MYO3A: variants seen among roughly 807,000 people sequenced by gnomAD.
MYO3A encodes myosin-IIIa.
MYO3A carries 180 observed loss-of-function variants against 192.7 expected under a neutral mutation model. The ratio of observed to expected loss-of-function variants is 0.93; its 90% CI spans 0.83 to 1.06. MYO3A has a LOEUF of 1.06. MYO3A is among the 50% of genes least tolerant of loss of function. The probability of loss-of-function intolerance (pLI) is 0.00; values close to 1 mark genes in which losing one functional copy is unlikely to be tolerated. For missense variants in MYO3A, 1,896 were observed against 1,905.0 expected (o/e 1.00, Z 0.09); for synonymous variants, 628 against 645.3 (o/e 0.97, Z 0.41).
chr10:25,964,995 A>C (rs1389525396), intron 4 of MYO3A, among the ~76,000 whole-genome samples: 1 of 151,988 alleles, frequency 6.6e-6, no homozygotes, highest in Non-Finnish European at 1.5e-5. Context: ...ATTGTATGCT[A>C]TTTATTTCTT....
At chr10:26,148,288 G>A (rs1290195242) in intron 23 of MYO3A, among the ~76,000 whole-genome samples, 1 of 151,992 alleles carries the variant, frequency 6.6e-6, no homozygotes, top group Non-Finnish European at 1.5e-5. Flanking sequence ...GAATTGCTTT[G>A]ACACTCCTTG....
chr10:26,153,945 T>C lies in MYO3A; in HGVS notation c.2715+16T>C. 1 of 1,540,510 alleles carries C rather than the reference T, an allele frequency of 6.5e-7. No individual in the cohort carries two copies. The highest frequency in any genetic ancestry group is 9.0e-7 in the Non-Finnish European group (1 of 1,113,780). ...CCTGGCAAAGGTAAGAAAATGCTTT[T>C]TTTCTTGGCAGTGAGTCTAAGAATC... On this transcript the variant is annotated intron_variant, in intron 24 of 34. Transcript: ENST00000642920.
intron 14 of MYO3A, among the ~76,000 whole-genome samples, chr10:26,075,984 A>C (rs1325436254): frequency 1.3e-5 from 2 of 151,842 alleles, no homozygotes; most frequent in African/African-American, 2.4e-5. Flanking sequence ...TTTATGAATA[A>C]TGACTTATTT....
intron 26 of MYO3A, among the ~76,000 whole-genome samples, chr10:26,161,060 G>A (rs1443937709): frequency 6.6e-6 from 1 of 152,202 alleles, no homozygotes; most frequent in African/African-American, 2.4e-5. Context: ...AAGAGAAGGG[G>A]ATAAAACTAA....
chr10:26,111,341 G>A (rs1157248943), intron 17 of MYO3A, among the ~76,000 whole-genome samples: 1 of 152,140 alleles, frequency 6.6e-6, no homozygotes, highest in Non-Finnish European at 1.5e-5. Flanking sequence ...ATGCCACCCT[G>A]TTCTAAATAT....
Position 26,096,384 on chromosome 10 carries a change from A to C in MYO3A, c.1566A>C (p.Gly522=), listed in dbSNP as rs139121564. The C allele has an allele frequency of 2.0e-4, 315 of 1,604,738 alleles. No homozygotes were observed. In the African/African-American group the frequency reaches 3.8e-3, roughly 20 times the overall value. Reference sequence around the variant, plus strand: ...CTGTAAATATCTTTTTTTCCAGTGGAGAAAAAAATTTTCATATTTTTTACT... The same window carrying C: ...CTGTAAATATCTTTTTTTCCAGTGGCGAAAAAAATTTTCATATTTTTTACT... ...EKSRVIHQAI[G]EKNFHIFYYI... is the part of the protein sequence containing the mutation. The change falls in exon 16 of 35, where the codon GGA becomes GGC. Residue 522 remains glycine (G), a synonymous_variant. Coordinates refer to ENST00000642920, the MANE Select transcript of MYO3A (RefSeq NM_017433.5).
chr10:25,955,324 TA>T (rs1837474417), intron 4 of MYO3A, among the ~76,000 whole-genome samples: 2 of 152,292 alleles, frequency 1.3e-5, no homozygotes, highest in African/African-American at 4.8e-5. Context: ...TTTGTTTCAT[TA>T]ACATGTGATA....
intron 17 of MYO3A, among the ~76,000 whole-genome samples, chr10:26,115,203 T>C (rs1838427304): frequency 6.6e-6 from 1 of 152,174 alleles, no homozygotes; most frequent in South Asian, 2.1e-4. Flanking sequence ...GCTAGAAAAG[T>C]CACTCTGACA....
At chr10:26,139,659 A>G (rs1589023632) in intron 20 of MYO3A, among the ~76,000 whole-genome samples, 1 of 152,026 alleles carries the variant, frequency 6.6e-6, no homozygotes, top group South Asian at 2.1e-4. Context: ...TGGGAGGCCA[A>G]GGTTGGGGTG....
chr10:26,197,312 T>A (rs1372762222), intron 32 of MYO3A, among the ~76,000 whole-genome samples: 1 of 152,174 alleles, frequency 6.6e-6, no homozygotes, highest in Admixed American at 6.5e-5. Context: ...TCAGTCCTTT[T>A]TTTGAGGGGC....
intron 10 of MYO3A, among the ~76,000 whole-genome samples, chr10:26,054,842 C>G (rs568569105): frequency 3.9e-5 from 6 of 152,218 alleles, no homozygotes; most frequent in African/African-American, 1.4e-4. Context: ...GCTGATGACA[C>G]GGTGAATTTC....
intron 32 of MYO3A, among the ~76,000 whole-genome samples, chr10:26,199,267 A>C (rs78414005): frequency 0.012 from 1,824 of 152,340 alleles, 42 homozygotes; most frequent in African/African-American, 0.039. Flanking sequence ...ATATTCTAAC[A>C]CAAGGCCACG....
chr10:26,136,721 C>T (rs894491086), intron 20 of MYO3A, among the ~76,000 whole-genome samples: 2 of 152,146 alleles, frequency 1.3e-5, no homozygotes, highest in Admixed American at 1.3e-4. Flanking sequence ...AATAAAAACA[C>T]ACTAAGTACA....
chr10:26,192,949 C>A (rs1002176646), intron 31 of MYO3A, among the ~76,000 whole-genome samples: 1 of 152,100 alleles, frequency 6.6e-6, no homozygotes, highest in African/African-American at 2.4e-5. Flanking sequence ...ACCACTGCAC[C>A]CGGCTGCATT....
At chr10:26,010,077 G>A (rs1300316134) in intron 6 of MYO3A, among the ~76,000 whole-genome samples, 2 of 152,196 alleles carry the variant, frequency 1.3e-5, no homozygotes, top group African/African-American at 4.8e-5. Context: ...TAGTTCATAT[G>A]TCCAAAGCCA....
At chr10:26,095,182 G>A (rs1379727571) in intron 15 of MYO3A, among the ~76,000 whole-genome samples, 2 of 152,096 alleles carry the variant, frequency 1.3e-5, no homozygotes, top group African/African-American at 4.8e-5. Flanking sequence ...CCCCTATGGT[G>A]GCATCCAAAG....
Position 25,989,131 on chromosome 10 carries a change from G to A in MYO3A, c.304-7359G>A, listed in dbSNP as rs944491010. Among the ~76,000 whole-genome samples the A allele has an allele frequency of 2.0e-5, 3 of 151,474 alleles. No individual in the cohort carries two copies. In the East Asian group the frequency reaches 5.8e-4, roughly 29 times the overall value. On this transcript the variant is annotated intron_variant, in intron 4 of 34. Coordinates refer to ENST00000642920, the MANE Select transcript of MYO3A (RefSeq NM_017433.5). ...ATTTTTATAAAAAAATTTTTTTAGA[G>A]GCAGGGGTCTTACTGTGTTACCCAG...
At chr10:26,176,652 C>CT (rs1277599728) in intron 30 of MYO3A, 49 bp from the exon 31 acceptor site, 5 of 1,559,656 alleles carry the variant, frequency 3.2e-6, no homozygotes, top group Non-Finnish European at 4.4e-6. Context: ...CTGCAGAACT[C>CT]TCTGTATTCT....
chr10:25,947,868 C>G (rs1836956970), intron 2 of MYO3A, among the ~76,000 whole-genome samples: 1 of 152,058 alleles, frequency 6.6e-6, no homozygotes, highest in African/African-American at 2.4e-5. Flanking sequence ...AGTGAAAAAA[C>G]AGGACAAACA....
Sources: allele counts gnomAD v4.1 joint callset (sites outside exome capture counted in the v4.1 genomes callset), GRCh38; gene constraint gnomAD v4.1.1; transcripts MANE v1.5; gene names NCBI Gene and HGNC (gene_info 2026-07-23, HGNC 2026-07-21).